Variants in PIP5K1A observed in about 807,000 individuals in gnomAD.
The protein encoded by PIP5K1A is phosphatidylinositol 4-phosphate 5-kinase type-1 alpha.
A neutral mutation model predicts 72.9 loss-of-function variants in PIP5K1A; 46 were observed. The ratio of observed to expected loss-of-function variants is 0.63; its 90% CI spans 0.50 to 0.81. The LOEUF (loss-of-function observed/expected upper bound fraction) is 0.81, where lower values mean the gene tolerates loss of function less well. PIP5K1A is among the 30% of genes least tolerant of loss of function. The pLI, the probability that PIP5K1A is intolerant of heterozygous loss-of-function variation, is 0.00. For synonymous variants in PIP5K1A, 228 were observed against 255.1 expected (o/e 0.89, Z 1.01); for missense variants, 458 against 706.1 (o/e 0.65, Z 3.98).
chr1:151,202,926 C>T (rs78935082), intron 1 of PIP5K1A, among the ~76,000 whole-genome samples: 3,760 of 152,072 alleles, frequency 0.025, 146 homozygotes, highest in African/African-American at 0.085. Flanking sequence ...GCACCTGCCA[C>T]GTCTGGCTAA....
chr1:151,240,752 A>C (rs752945590), intron 12 of PIP5K1A, among the ~76,000 whole-genome samples: 1 of 152,124 alleles, frequency 6.6e-6, no homozygotes, highest in Non-Finnish European at 1.5e-5. Flanking sequence ...ACATCATGAG[A>C]CCTTGTCTCT....
In PIP5K1A at chr1:151,248,176, A is replaced by G. The variant is rs1692769627; in HGVS notation, c.*311A>G. ...ACTATTGAATTTTTTTCAGACCCCCATTCTTCATGCTGGAAATGGGATTGC... is the reference window on the plus strand; with the variant it reads ...ACTATTGAATTTTTTTCAGACCCCCGTTCTTCATGCTGGAAATGGGATTGC... On this transcript the variant is annotated 3_prime_UTR_variant, in exon 16 of 16. Coordinates refer to ENST00000368888, the MANE Select transcript of PIP5K1A (RefSeq NM_001135638.2). 4.8e-6 allele frequency: 2 copies of G among 414,278 alleles called. No homozygotes were observed. Among genetic ancestry groups the G allele is most frequent in the Non-Finnish European group, 8.7e-6 (2 of 228,810 alleles). 25.7% of individuals were successfully genotyped at this position (414,278 alleles called of 1,614,324 possible).
At chr1:151,224,550 T>C (rs587727649) in intron 3 of PIP5K1A, 144 bp downstream of exon 3, 22 of 677,652 alleles carry the variant, frequency 3.2e-5, no homozygotes, top group South Asian at 7.1e-5. Context: ...CTTTAAGATA[T>C]TCTTATTTAA....
intron 1 of PIP5K1A, among the ~76,000 whole-genome samples, chr1:151,207,614 C>T (rs190088549): frequency 3.2e-4 from 49 of 151,708 alleles, no homozygotes; most frequent in Non-Finnish European, 5.6e-4. Context: ...TCACTGTGAC[C>T]TCTGTCTTCC....
intron 1 of PIP5K1A, among the ~76,000 whole-genome samples, chr1:151,220,059 G>T (rs1255114485): frequency 6.6e-6 from 1 of 151,950 alleles, no homozygotes; most frequent in Admixed American, 6.6e-5. Flanking sequence ...AGGCTGGAGT[G>T]CAGTGGCGCG....
chr1:151,198,514 T>G (rs945832064), upstream of PIP5K1A: 1 of 198,154 alleles, frequency 5.0e-6, no homozygotes, highest in Non-Finnish European at 1.1e-5. Flanking sequence ...ATGAGTGGGC[T>G]GATGCCCCGA....
intron 1 of PIP5K1A, chr1:151,223,976 AG>A: frequency 1.9e-6 from 1 of 527,216 alleles, no homozygotes; most frequent in Non-Finnish European, 3.3e-6. Flanking sequence ...TCAAAAAAAA[AG>A]AAAAAGTTAT....
chr1:151,229,167 C>CAAAA (rs34356281), intron 4 of PIP5K1A, among the ~76,000 whole-genome samples: 810 of 41,324 alleles, frequency 0.02, 121 homozygotes, highest in Admixed American at 0.04. Context: ...GACCCCGTCT[C>CAAAA]AAAAAAAAAA....
rs587599138 is a variant in PIP5K1A, at chr1:151,236,155, C to G, written c.940-403C>G. ...AAAAAAAAATTTAGCCTTACAGGTT[C>G]ACTGTAAGGCTAAATTAAATAATTA... On this transcript the variant is annotated intron_variant, in intron 8 of 15. Transcript: ENST00000368888. 4.4e-3 allele frequency among the ~76,000 whole-genome samples: 658 copies of G among 149,754 alleles called. 6 individuals are homozygous for G. Among genetic ancestry groups the G allele is most frequent in the Middle Eastern group, 0.014 (4 of 290 alleles).
In PIP5K1A at chr1:151,242,165, T is replaced by C. The variant is rs745492896; in HGVS notation, c.1406T>C (p.Phe469Ser). The change falls in exon 13 of 16, where the codon TTC becomes TCC. Residue 469 changes from phenylalanine (F) to serine (S), a missense_variant. Phe to Ser is a radical substitution (Grantham distance 155). Coordinates refer to ENST00000368888, the MANE Select transcript of PIP5K1A (RefSeq NM_001135638.2). ...PSKKFRSGSS[F>S]SRRAGSSGNS... ...AAAAAGTTTCGGTCTGGCTCATCTT[T>C]CTCTCGGCGAGCAGGCTCCAGTGGC... 3.3e-5 allele frequency: 54 copies of C among 1,614,056 alleles called. No homozygotes were observed. The highest frequency in any genetic ancestry group is 1.6e-4 in the Middle Eastern group (1 of 6,084).
chr1:151,212,850 C>T (rs933939955), intron 1 of PIP5K1A, among the ~76,000 whole-genome samples: 19 of 144,440 alleles, frequency 1.3e-4, no homozygotes, highest in East Asian at 2.1e-4. Context: ...TGGGATTATA[C>T]GCGTGAGCCA....
intron 1 of PIP5K1A, among the ~76,000 whole-genome samples, chr1:151,212,892 T>C (rs1348461688): frequency 6.8e-6 from 1 of 146,122 alleles, no homozygotes; most frequent in Non-Finnish European, 1.5e-5. Flanking sequence ...TTTTTTTTTT[T>C]TTTTTTTCTT....
chr1:151,224,432 C>T (rs755028646), intron 3 of PIP5K1A, 26 bp downstream of exon 3: 2 of 1,487,030 alleles, frequency 1.3e-6, no homozygotes, highest in African/African-American at 1.4e-5. Context: ...TGCAACTCAT[C>T]TTTTATTGTA....
chr1:151,242,689 C>T (rs1369158658), intron 14 of PIP5K1A, 122 bp downstream of exon 14: 1 of 869,562 alleles, frequency 1.2e-6, no homozygotes, highest in Non-Finnish European at 1.8e-6. Flanking sequence ...AAATAACAAA[C>T]ATATATCATA....
intron 1 of PIP5K1A, among the ~76,000 whole-genome samples, chr1:151,215,670 T>C (rs977790755): frequency 6.6e-6 from 1 of 152,202 alleles, no homozygotes; most frequent in Non-Finnish European, 1.5e-5. Flanking sequence ...AGGAACCTTA[T>C]ACCTGAAATG....
chr1:151,197,951 C>T (rs1380169198), upstream of PIP5K1A: 1 of 429,784 alleles, frequency 2.3e-6, no homozygotes, highest in Non-Finnish European at 4.9e-6. Context: ...GGGGTTGGGT[C>T]GCGGGAAGGT....
At chr1:151,198,041 C>A (rs1191311770), upstream of PIP5K1A, 1 of 470,802 alleles carries the variant, frequency 2.1e-6, no homozygotes, top group South Asian at 1.6e-5. Context: ...TTACTGAACT[C>A]CGTCACTGTG....
chr1:151,232,152 C>G, intron 5 of PIP5K1A, 96 bp from the exon 6 acceptor site: 1 of 812,160 alleles, frequency 1.2e-6, no homozygotes, highest in Non-Finnish European at 2.2e-6. Context: ...TTCCCCCACT[C>G]CCCCCACCAT....
chr1:151,197,875 G>A (rs1684698697), upstream of PIP5K1A: 1 of 344,304 alleles, frequency 2.9e-6, no homozygotes. Context: ...AGACTACAAT[G>A]GGAGAAATTT....
Sources: gnomAD v4.1 joint callset for allele counts (sites outside exome capture counted in the v4.1 genomes callset) on GRCh38, gnomAD v4.1.1 for gene constraint, MANE v1.5 for transcripts, NCBI Gene and HGNC (gene_info 2026-07-23, HGNC 2026-07-21) for gene names.